KDM3A: variants seen among roughly 807,000 people sequenced by gnomAD.
KDM3A encodes the protein lysine-specific demethylase 3A.
A neutral mutation model predicts 158.0 loss-of-function variants in KDM3A; 60 were observed. The observed-to-expected ratio is 0.38, with a 90% CI of 0.31 to 0.47. The LOEUF (loss-of-function observed/expected upper bound fraction) is 0.47. Ranked by LOEUF, KDM3A falls within the 20% of genes least tolerant of loss-of-function variation. The pLI is 0.99. For missense variants in KDM3A, 1,319 were observed against 1,574.3 expected (o/e 0.84, Z 2.74); for synonymous variants, 608 against 549.3 (o/e 1.11, Z -1.49).
upstream of KDM3A, chr2:86,441,257 C>A (rs550344641): frequency 2.0e-5 from 3 of 151,712 alleles, no homozygotes; most frequent in East Asian, 5.9e-4. Flanking sequence ...TGGTGATGAT[C>A]TGTTTCCCCC....
At chr2:86,487,162 TA>T in intron 21 of KDM3A, 1 of 152,188 alleles carries the variant, frequency 6.6e-6, no homozygotes, top group East Asian at 1.9e-4. Context: ...CCTGAAGCTT[TA>T]AAGGTGGGTA....
At chr2:86,462,980 A>C (rs1672986907) in intron 8 of KDM3A, among the ~76,000 whole-genome samples, 1 of 152,108 alleles carries the variant, frequency 6.6e-6, no homozygotes, top group East Asian at 1.9e-4. Flanking sequence ...AATCCCAGCT[A>C]CTCGGGAGGC....
rs1674500517 is a variant in KDM3A at position 86,492,367 on chromosome 2, A to G, written c.*248A>G. 2.3e-6 allele frequency: 1 copy of G among 432,982 alleles called. No homozygotes were observed. The highest frequency in any genetic ancestry group is 2.0e-5 in the African/African-American group (1 of 49,626). The allele number at this position is 432,982 out of a possible 1,614,324, so 26.8% of individuals were successfully genotyped here. Reference sequence around the variant, plus strand: ...AGTGCAGAACTTTTACCAGGCTGTAAAAGCAAAACCTCGTATCAGCTCTGG... The same window carrying G: ...AGTGCAGAACTTTTACCAGGCTGTAGAAGCAAAACCTCGTATCAGCTCTGG... On this transcript the variant is annotated 3_prime_UTR_variant, in exon 26 of 26. Coordinates refer to ENST00000312912, the MANE Select transcript of KDM3A (RefSeq NM_018433.6).
intron 3 of KDM3A, among the ~76,000 whole-genome samples, chr2:86,450,296 A>G (rs531110418): frequency 5.3e-4 from 81 of 152,322 alleles, no homozygotes; most frequent in Non-Finnish European, 9.7e-4. Flanking sequence ...AATGTGGAGA[A>G]TACATCTGAA....
At chr2:86,455,849 A>T (rs1672670075) in intron 5 of KDM3A, among the ~76,000 whole-genome samples, 1 of 151,310 alleles carries the variant, frequency 6.6e-6, no homozygotes, top group Admixed American at 6.6e-5. Context: ...CCAGCTACTC[A>T]GGAGGCTGAG....
At chr2:86,465,902 AAG>A (rs1573174411) in intron 9 of KDM3A, among the ~76,000 whole-genome samples, 1 of 150,964 alleles carries the variant, frequency 6.6e-6, no homozygotes, top group Non-Finnish European at 1.5e-5. Context: ...CTATAGAAGA[AAG>A]AGTTTTAGCA....
At chr2:86,441,542 G>C (rs1380936750) in intron 1 of KDM3A, 98 bp downstream of exon 1, 4 of 150,910 alleles carry the variant, frequency 2.7e-5, no homozygotes, top group Non-Finnish European at 5.9e-5. Flanking sequence ...CGCAGGCCCG[G>C]GAGACGGGCG....
intron 2 of KDM3A, chr2:86,443,628 A>T (rs1682836096): frequency 6.6e-6 from 1 of 152,228 alleles, no homozygotes; most frequent in African/African-American, 2.4e-5. Context: ...AGGAATTGAC[A>T]TAGCCTGTAT....
chr2:86,467,114 G>A (rs994361837), intron 10 of KDM3A, among the ~76,000 whole-genome samples: 1 of 152,086 alleles, frequency 6.6e-6, no homozygotes, highest in African/African-American at 2.4e-5. Context: ...TTACACAAAT[G>A]GGTTCATGCC....
At chr2:86,484,909 AAATAGT>A in intron 19 of KDM3A, 27 bp from the exon 20 acceptor site, 18 of 1,323,648 alleles carry the variant, frequency 1.4e-5, no homozygotes, top group Non-Finnish European at 1.8e-5. Flanking sequence ...TCTGAATTAT[AAATAGT>A]AATAGTTCAT....
In KDM3A at chr2:86,482,537, ATTTATC is replaced by A. The variant is rs1353740171; in HGVS notation, c.2767_2772del (p.Leu923_Ser924del). On this transcript the variant is annotated inframe_deletion, in exon 18 of 26. Transcript: ENST00000312912. ...TTGGTGCAAAATAAGACGACTTCTG[ATTTATC>A]TAAGAGGCCTCAAGGACTAACCATC... 6.2e-7 allele frequency: 1 copy of A among 1,614,104 alleles called. No homozygotes were observed. The highest frequency in any genetic ancestry group is 2.2e-5 in the East Asian group (1 of 44,876).
intron 17 of KDM3A, 58 bp downstream of exon 17, chr2:86,482,160 A>G: frequency 6.4e-7 from 1 of 1,551,986 alleles, no homozygotes; most frequent in Non-Finnish European, 8.9e-7. Context: ...ACAGGAAGAG[A>G]GTAGAGAAGT....
intron 21 of KDM3A, 31 bp from the exon 22 acceptor site, chr2:86,489,287 T>C (rs1430627976): frequency 1.9e-6 from 3 of 1,604,808 alleles, no homozygotes. Context: ...TTGTTGTCTT[T>C]TGTAAAACTT....
intron 12 of KDM3A, among the ~76,000 whole-genome samples, chr2:86,476,396 TAAGA>T (rs1242920755): frequency 1.6e-4 from 9 of 55,230 alleles, no homozygotes; most frequent in African/African-American, 8.3e-4. Flanking sequence ...ACAGCATAAT[TAAGA>T]AACTCTCCTT....
At chr2:86,482,824 T>A in intron 18 of KDM3A, 130 bp downstream of exon 18, 1 of 858,094 alleles carries the variant, frequency 1.2e-6, no homozygotes. Context: ...TTGTTTCAGG[T>A]GAATATAATC....
chr2:86,491,636 C>T (rs368137135), intron 25 of KDM3A: 1 of 307,774 alleles, frequency 3.2e-6, no homozygotes, highest in South Asian at 5.1e-5. Context: ...TTAGGTAGAG[C>T]AGAACTGAAT....
Position 86,492,210 on chromosome 2 carries a change from T to A in KDM3A, c.*91T>A, listed in dbSNP as rs139722069. On this transcript the variant is annotated 3_prime_UTR_variant, in exon 26 of 26. Transcript: ENST00000312912. ...ACTTTGAGATTCATGTTACCTCATCTTCTTTTTTAAACTGTACCCAACTTG... is the reference window on the plus strand; with the variant it reads ...ACTTTGAGATTCATGTTACCTCATCATCTTTTTTAAACTGTACCCAACTTG... The A allele has an allele frequency of 1.4e-4, 128 of 933,306 alleles. 1 individual carries two copies. The East Asian group carries it at 3.1e-3, about 23-fold the overall frequency. The allele number at this position is 933,306 out of a possible 1,614,324, so 57.8% of individuals were successfully genotyped here.
At position 86,464,167 on chromosome 2, in the gene KDM3A, C is replaced by T. The variant is rs772331838; in HGVS notation, c.958C>T (p.Pro320Ser). The T allele has an allele frequency of 1.9e-6, 3 of 1,611,406 alleles. No homozygotes were observed. The highest frequency in any genetic ancestry group is 4.5e-5 in the East Asian group (2 of 44,786). Residue 320 changes from proline (P) to serine (S), a missense_variant, in exon 9 of 26, where the codon CCC (proline) becomes TCC (serine). Physicochemically the swap from Pro to Ser is moderately conservative, Grantham distance 74 (BLOSUM62 -1). Transcript: ENST00000312912. ...TAAGGACCCAAGACAGCAAAGTACT[C>T]CCCAGGCTGCCAACTCTCCACCTAA... is the stretch of plus-strand genomic sequence containing the variant. ...PSKDPRQQST[P>S]QAANSPPNLG...
At chr2:86,453,092 T>C (rs1168332157) in intron 4 of KDM3A, among the ~76,000 whole-genome samples, 1 of 152,190 alleles carries the variant, frequency 6.6e-6, no homozygotes, top group Non-Finnish European at 1.5e-5. Flanking sequence ...AGGTTTTCAA[T>C]TAAGGTAGAA....
Sources: gnomAD v4.1 joint callset for allele counts (sites outside exome capture counted in the v4.1 genomes callset) on GRCh38, gnomAD v4.1.1 for gene constraint, MANE v1.5 for transcripts, NCBI Gene and HGNC (gene_info 2026-07-23, HGNC 2026-07-21) for gene names.